POLR3A: variants seen among roughly 807,000 people sequenced by gnomAD.
The protein encoded by POLR3A is RNA polymerase III subunit A, also known as DNA-directed RNA polymerase III subunit RPC1.
A neutral mutation model predicts 152.8 loss-of-function variants in POLR3A; 112 were observed. The ratio of observed to expected loss-of-function variants is 0.73; its 90% CI spans 0.63 to 0.86. The LOEUF (loss-of-function observed/expected upper bound fraction) is 0.86, where lower values mean the gene tolerates loss of function less well. Among genes scored for constraint, POLR3A ranks in the 40% least tolerant of loss-of-function variants. POLR3A has a pLI of 0.00. For synonymous variants in POLR3A, 615 were observed against 652.1 expected, an observed-to-expected ratio of 0.94 and a Z score of 0.87; for missense variants, 1,385 against 1,743.1, an observed-to-expected ratio of 0.79 and a Z score of 3.66.
Position 78,022,280 on chromosome 10 carries a change from C to T in POLR3A, c.750G>A (p.Leu250=). The T allele has an allele frequency of 6.2e-7, 1 of 1,614,222 alleles. No homozygotes were observed. Among genetic ancestry groups the T allele is most frequent in the African/African-American group, 1.3e-5 (1 of 75,058 alleles). Residue 250 remains leucine, a synonymous_variant, in exon 6 of 31, where the codon TTG becomes TTA. Coordinates refer to ENST00000372371, the MANE Select transcript of POLR3A (RefSeq NM_007055.4). ...MNPEAGKPSD[L]ILTRLLVPPL... ...GAGGCACCAAAAGTCGTGTGAGAATCAAATCAGACGGCTTTCCGGCTTCTG... is the reference window on the plus strand; with the variant it reads ...GAGGCACCAAAAGTCGTGTGAGAATTAAATCAGACGGCTTTCCGGCTTCTG...
At chr10:77,979,997 G>A (rs1168904249) in intron 30 of POLR3A, 144 bp downstream of exon 30, 1 of 787,264 alleles carries the variant, frequency 1.3e-6, no homozygotes, top group Non-Finnish European at 2.2e-6. Context: ...AGATCCAGCA[G>A]TTCCAATTCG....
At chr10:77,985,876 G>A (rs367872318) in intron 23 of POLR3A, 27 bp downstream of exon 23, 7 of 1,556,692 alleles carry the variant, frequency 4.5e-6, no homozygotes, top group East Asian at 2.2e-5. Flanking sequence ...GTGGATGACC[G>A]TCAGTCCAAG....
chr10:77,978,660 GTTT>G (rs1349193901), intron 30 of POLR3A, among the ~76,000 whole-genome samples: 1 of 135,742 alleles, frequency 7.4e-6, no homozygotes. Flanking sequence ...CTTCATGCTA[GTTT>G]TTTTTTTTTT....
At chr10:78,020,710 C>T (rs761262710) in intron 8 of POLR3A, among the ~76,000 whole-genome samples, 4 of 152,056 alleles carry the variant, frequency 2.6e-5, no homozygotes, top group Non-Finnish European at 4.4e-5. Context: ...ATGGCGTGAA[C>T]CTGGGAGGTG....
intron 10 of POLR3A, 88 bp from the exon 11 acceptor site, chr10:78,013,878 C>G: frequency 4.7e-6 from 7 of 1,486,184 alleles, no homozygotes; most frequent in Non-Finnish European, 6.6e-6. Context: ...AAAATGGCTT[C>G]CTGGAATACT....
At position 78,007,495 on chromosome 10, in the gene POLR3A, A is replaced by C. The variant is rs1020563198; in HGVS notation, c.2074+207T>G. Among the ~76,000 whole-genome samples, 8 of 152,332 alleles carry C rather than the reference A, an allele frequency of 5.3e-5. No individual in the cohort carries two copies. The East Asian group carries it at 1.5e-3, about 29-fold the overall frequency. ...TGCTGGTTTTGAGAAGAGAACTGAA[A>C]AGCAAATTCAAATCTGTTGTGAAAC... On this transcript the variant is annotated intron_variant, in intron 15 of 30. Transcript: ENST00000372371.
chr10:77,999,787 AG>A (rs1847338061), intron 19 of POLR3A, among the ~76,000 whole-genome samples, 193 bp downstream of exon 19: 1 of 152,188 alleles, frequency 6.6e-6, no homozygotes, highest in East Asian at 1.9e-4. Context: ...TGATCATCAT[AG>A]GATGATTCGG....
At chr10:78,019,091 G>T (rs1847552820) in intron 9 of POLR3A, 71 bp downstream of exon 9, 2 of 1,041,772 alleles carry the variant, frequency 1.9e-6, no homozygotes, top group Non-Finnish European at 3.0e-6. Flanking sequence ...TGCATTCTGT[G>T]GCTGAGTATG....
intron 9 of POLR3A, 143 bp from the exon 10 acceptor site, chr10:78,017,859 G>T (rs957091208): frequency 9.9e-7 from 1 of 1,008,826 alleles, no homozygotes; most frequent in Non-Finnish European, 1.5e-6. Context: ...AGTTTTATGT[G>T]CCAAGAAAAA....
chr10:78,018,286 G>C (rs886355227), intron 9 of POLR3A, among the ~76,000 whole-genome samples: 1 of 151,906 alleles, frequency 6.6e-6, no homozygotes, highest in Non-Finnish European at 1.5e-5. Context: ...GGATCACCAG[G>C]TCAGGAGTTC....
rs775981375 is a variant in POLR3A at position 78,010,451 on chromosome 10, A to C, written c.1642+20T>G. The stretch of plus-strand genomic sequence containing the variant: ...TGTTCCAGTCAGAAATCTCCTTTCA[A>C]GTGAACTTCACCAACCTACCTGTTA... On this transcript the variant is annotated intron_variant, in intron 12 of 30. Transcript: ENST00000372371. The C allele has an allele frequency of 5.1e-6, 8 of 1,577,744 alleles. No individual in the cohort carries two copies. In the South Asian group the frequency reaches 7.7e-5, roughly 15 times the overall value.
intron 18 of POLR3A, among the ~76,000 whole-genome samples, chr10:78,000,515 C>T (rs1847347122): frequency 6.6e-6 from 1 of 152,222 alleles, no homozygotes; most frequent in Admixed American, 6.5e-5. Flanking sequence ...ACCTACAAAA[C>T]ATAACCATGC....
In POLR3A at chr10:77,983,900, C is replaced by T. The variant is rs762355920; in HGVS notation, c.3429+20G>A. Reference sequence around the variant, plus strand: ...GACTAACAGGATGACTTCCTCTCTACATTTAATTATGTGACTCACTTCCAG... The same window carrying T: ...GACTAACAGGATGACTTCCTCTCTATATTTAATTATGTGACTCACTTCCAG... On this transcript the variant is annotated intron_variant, in intron 26 of 30. Transcript: ENST00000372371. The T allele has an allele frequency of 4.0e-6, 6 of 1,495,380 alleles. No homozygotes were observed. In the South Asian group the frequency reaches 5.7e-5, roughly 14 times the overall value. The allele number at this position is 1,495,380 out of a possible 1,614,324, so 92.6% of individuals were successfully genotyped here.
chr10:78,009,983 G>T lies in POLR3A; in HGVS notation c.1651C>A (p.Leu551Ile), dbSNP rs1259687495. 1 of 1,613,964 alleles carries T rather than the reference G, an allele frequency of 6.2e-7. No individual in the cohort carries two copies. The highest frequency in any genetic ancestry group is 1.7e-5 in the Admixed American group (1 of 60,022). ...AAGAAAGTGTCCTTGAGAGTGAGGA[G>T]ATAGGCACCTAAGCATTAGGAACCA... The part of the protein sequence containing the change: ...AIQDFLTGAY[L>I]LTLKDTFFDR... The change falls in exon 13 of 31, where the codon CTC becomes ATC. Residue 551 changes from leucine to isoleucine, a missense_variant. Physicochemically the swap from Leu to Ile is conservative, Grantham distance 5. Around this residue, in one of 7 missense-constraint regions of POLR3A, gnomAD observed 188 missense variants for 179.9 expected, o/e 1.04. Coordinates refer to ENST00000372371, the MANE Select transcript of POLR3A (RefSeq NM_007055.4).
At chr10:77,980,692 G>A (rs1394029758) in intron 29 of POLR3A, among the ~76,000 whole-genome samples, 4 of 152,176 alleles carry the variant, frequency 2.6e-5, no homozygotes, top group Non-Finnish European at 1.5e-5. Flanking sequence ...TTAAAACCAT[G>A]AAACAAGATG....
rs1344635319 is a variant in POLR3A, at chr10:78,026,222, T to C, written c.52A>G (p.Ile18Val). 21 of 1,614,100 alleles carry C rather than the reference T, an allele frequency of 1.3e-5. No homozygotes were observed. Among genetic ancestry groups the C allele is most frequent in the Non-Finnish European group, 1.7e-5 (20 of 1,180,040 alleles). Reference sequence around the variant, plus strand: ...TCAGGTGACTTCATTCCAAAACAGATGTGGCTTCTGGAATGGGAAGAAAAA... The same window carrying C: ...TCAGGTGACTTCATTCCAAAACAGACGTGGCTTCTGGAATGGGAAGAAAAA... Reference protein sequence around the residue: ...ETDVAKKISHICFGMKSPEEM... With the variant: ...ETDVAKKISHVCFGMKSPEEM... Residue 18 changes from isoleucine (I) to valine (V), a missense_variant, in exon 2 of 31, where the codon ATC becomes GTC. Around this residue, in one of 7 missense-constraint regions of POLR3A, gnomAD observed 493 missense variants for 647.5 expected, o/e 0.76. Transcript: ENST00000372371.
intron 11 of POLR3A, among the ~76,000 whole-genome samples, chr10:78,012,276 A>T (rs561120755): frequency 6.6e-6 from 1 of 152,214 alleles, no homozygotes; most frequent in African/African-American, 2.4e-5. Flanking sequence ...AGGCAGGAGA[A>T]TCACTTGAAC....
Position 78,019,870 on chromosome 10 carries a change from T to TA in POLR3A, c.1186-606dup, listed in dbSNP as rs764453901. The TA allele has an allele frequency of 6.0e-3, 829 of 137,754 alleles. 5 individuals are homozygous for TA. Among genetic ancestry groups the TA allele is most frequent in the African/African-American group, 0.016 (591 of 37,528 alleles). The allele number at this position is 137,754 out of a possible 1,614,324, so 8.5% of individuals were successfully genotyped here. On this transcript the variant is annotated intron_variant, in intron 8 of 30. Transcript: ENST00000372371. Reference sequence around the variant, plus strand: ...CCCTGCAGTTACCTAGACCTCAATTTAAAAAAAAAAAAAAAAGTATGGGCT... The same window carrying TA: ...CCCTGCAGTTACCTAGACCTCAATTTAAAAAAAAAAAAAAAAAGTATGGGCT...
At chr10:78,024,351 G>C (rs1028566539) in intron 5 of POLR3A, among the ~76,000 whole-genome samples, 198 bp downstream of exon 5, 8 of 145,040 alleles carry the variant, frequency 5.5e-5, no homozygotes, top group African/African-American at 1.8e-4. Flanking sequence ...GTGAAAGAGC[G>C]AGACTCTGTC....
Sources: allele counts gnomAD v4.1 joint callset (sites outside exome capture counted in the v4.1 genomes callset), GRCh38; gene constraint gnomAD v4.1.1; regional missense constraint gnomAD v4.1.1; transcripts MANE v1.5; gene names NCBI Gene and HGNC (gene_info 2026-07-23, HGNC 2026-07-21).